The following SLC9A9 variants were observed in gnomAD, a reference collection of about 807,000 sequenced individuals.
The protein encoded by SLC9A9 is solute carrier family 9 member A9.
Under a neutral mutation model 77.8 loss-of-function variants are expected in SLC9A9, and 62 were observed. The ratio of observed to expected loss-of-function variants is 0.80; its 90% CI spans 0.65 to 0.98. SLC9A9 has a LOEUF of 0.98. SLC9A9 is among the 50% of genes least tolerant of loss of function. The pLI is 0.00. For missense variants in SLC9A9, 775 were observed against 774.9 expected (o/e 1.00, Z 0.00); for synonymous variants, 320 against 283.5 (o/e 1.13, Z -1.29).
chr3:143,632,135 G>A (rs1327029006), intron 6 of SLC9A9, among the ~76,000 whole-genome samples: 1 of 152,138 alleles, frequency 6.6e-6, no homozygotes, highest in Non-Finnish European at 1.5e-5. Flanking sequence ...TCCAAACAAA[G>A]CATTCTCTGG....
chr3:143,431,711 G>A (rs1017199349), intron 12 of SLC9A9, among the ~76,000 whole-genome samples: 11 of 152,026 alleles, frequency 7.2e-5, no homozygotes, highest in African/African-American at 2.4e-4. Flanking sequence ...TTGATCTCCC[G>A]ACCTCGTGAC....
intron 12 of SLC9A9, among the ~76,000 whole-genome samples, chr3:143,427,949 A>G (rs892011925): frequency 5.3e-5 from 8 of 152,244 alleles, no homozygotes; most frequent in African/African-American, 1.4e-4. Flanking sequence ...GAAAGGAACT[A>G]AAGACTTAAA....
At chr3:143,809,775 T>C (rs1027462744) in intron 2 of SLC9A9, among the ~76,000 whole-genome samples, 3 of 152,196 alleles carry the variant, frequency 2.0e-5, no homozygotes, top group Non-Finnish European at 1.5e-5. Context: ...GAAATGTTCT[T>C]TCCTTGTACT....
chr3:143,560,537 A>T (rs1030183796), intron 8 of SLC9A9, among the ~76,000 whole-genome samples: 3 of 152,088 alleles, frequency 2.0e-5, no homozygotes, highest in East Asian at 1.9e-4. Context: ...CAGAATTGAC[A>T]TGGTTCTGTG....
intron 10 of SLC9A9, among the ~76,000 whole-genome samples, chr3:143,493,979 T>C (rs941405337): frequency 2.0e-5 from 3 of 152,236 alleles, no homozygotes; most frequent in Non-Finnish European, 2.9e-5. Flanking sequence ...CTTTCTTTGA[T>C]ACTTGCTTTA....
At chr3:143,610,812 C>A (rs996174243) in intron 6 of SLC9A9, among the ~76,000 whole-genome samples, 3 of 152,148 alleles carry the variant, frequency 2.0e-5, no homozygotes, top group Non-Finnish European at 4.4e-5. Context: ...TTAGAGGTGC[C>A]TTCAAATAAA....
chr3:143,434,363 A>G (rs1055154744), intron 12 of SLC9A9, among the ~76,000 whole-genome samples: 8 of 152,180 alleles, frequency 5.3e-5, no homozygotes, highest in Non-Finnish European at 7.3e-5. Flanking sequence ...GGCAGAAGGA[A>G]AAAAAAGAAA....
At chr3:143,765,820 T>C (rs1345975443) in intron 4 of SLC9A9, among the ~76,000 whole-genome samples, 1 of 152,222 alleles carries the variant, frequency 6.6e-6, no homozygotes, top group Non-Finnish European at 1.5e-5. Context: ...GACTGTAGCC[T>C]CAGGCATGTA....
chr3:143,695,611 T>C (rs1338894954), intron 4 of SLC9A9, among the ~76,000 whole-genome samples: 1 of 152,204 alleles, frequency 6.6e-6, no homozygotes, highest in Admixed American at 6.5e-5. Flanking sequence ...TGGTTCCAAG[T>C]CTTTGCTATC....
At position 143,382,131 on chromosome 3, in the gene SLC9A9, A is replaced by G; in HGVS notation, c.1470-17T>C. 1.2e-6 allele frequency: 2 copies of G among 1,614,090 alleles called. No individual in the cohort carries two copies. The highest frequency in any genetic ancestry group is 1.7e-6 in the Non-Finnish European group (2 of 1,179,944). Reference sequence around the variant, plus strand: ...ACGCCAACTCTGTTAAACAAAACCAAAAACTGGTCAATCCCCTGCTGCAGA... The same window carrying G: ...ACGCCAACTCTGTTAAACAAAACCAGAAACTGGTCAATCCCCTGCTGCAGA... On this transcript the variant is annotated splice_polypyrimidine_tract_variant and intron_variant, in intron 12 of 15. Coordinates refer to ENST00000316549, the MANE Select transcript of SLC9A9 (RefSeq NM_173653.4).
At chr3:143,702,844 T>C (rs1417543708) in intron 4 of SLC9A9, among the ~76,000 whole-genome samples, 1 of 151,786 alleles carries the variant, frequency 6.6e-6, no homozygotes, top group Admixed American at 6.6e-5. Flanking sequence ...GCTTCACCTA[T>C]AAAAGTACAC....
At chr3:143,714,083 C>G (rs1208993646) in intron 4 of SLC9A9, among the ~76,000 whole-genome samples, 1 of 152,184 alleles carries the variant, frequency 6.6e-6, no homozygotes, top group African/African-American at 2.4e-5. Flanking sequence ...TGTCGAAAAA[C>G]TCAACCTTCC....
At chr3:143,398,480 C>A (rs1440407368) in intron 12 of SLC9A9, among the ~76,000 whole-genome samples, 3 of 152,132 alleles carry the variant, frequency 2.0e-5, no homozygotes, top group Non-Finnish European at 4.4e-5. Flanking sequence ...TATGTAGAAT[C>A]TACACTAGGT....
intron 6 of SLC9A9, among the ~76,000 whole-genome samples, chr3:143,640,965 C>T (rs1299066914): frequency 6.6e-6 from 1 of 152,144 alleles, no homozygotes; most frequent in African/African-American, 2.4e-5. Flanking sequence ...AGCATAACAA[C>T]AGCTGACATG....
chr3:143,289,585 T>TCC (rs1938479715), intron 14 of SLC9A9, among the ~76,000 whole-genome samples: 1 of 152,090 alleles, frequency 6.6e-6, no homozygotes, highest in African/African-American at 2.4e-5. Flanking sequence ...TCCAACTCTT[T>TCC]CCTCTCCCTT....
At chr3:143,443,313 G>C (rs1016025203) in intron 12 of SLC9A9, among the ~76,000 whole-genome samples, 2 of 152,120 alleles carry the variant, frequency 1.3e-5, no homozygotes, top group African/African-American at 4.8e-5. Flanking sequence ...CCATGTGCCT[G>C]CTATACTGAT....
intron 6 of SLC9A9, among the ~76,000 whole-genome samples, chr3:143,633,945 T>C (rs2038469203): frequency 6.6e-6 from 1 of 152,214 alleles, no homozygotes; most frequent in Non-Finnish European, 1.5e-5. Flanking sequence ...CCACACTATC[T>C]ATTAAAACAC....
intron 12 of SLC9A9, among the ~76,000 whole-genome samples, chr3:143,391,806 A>G (rs1021613122): frequency 1.3e-5 from 2 of 152,380 alleles, no homozygotes; most frequent in East Asian, 1.9e-4. Context: ...GGACGAATGC[A>G]CAAGCTTCAG....
intron 5 of SLC9A9, among the ~76,000 whole-genome samples, chr3:143,671,257 T>C (rs1047427626): frequency 4.6e-5 from 7 of 152,224 alleles, no homozygotes; most frequent in African/African-American, 7.2e-5. Flanking sequence ...TTGATTCAAG[T>C]ACAGCCATTG....
Sources: allele counts gnomAD v4.1 joint callset (sites outside exome capture counted in the v4.1 genomes callset), GRCh38; gene constraint gnomAD v4.1.1; transcripts MANE v1.5; gene names NCBI Gene and HGNC (gene_info 2026-07-23, HGNC 2026-07-21).